The following IL23R variants were observed in gnomAD, a reference collection of about 807,000 sequenced individuals.
IL23R encodes interleukin-23 receptor.
A neutral mutation model predicts 56.9 loss-of-function variants in IL23R; 34 were observed. The observed-to-expected ratio is 0.60, with a 90% CI of 0.45 to 0.80. The LOEUF (loss-of-function observed/expected upper bound fraction) is 0.80. IL23R is among the 30% of genes least tolerant of loss of function. IL23R has a pLI of 0.00. For missense variants in IL23R, 635 were observed against 730.0 expected, an observed-to-expected ratio of 0.87 and a Z score of 1.50; for synonymous variants, 230 against 249.2, an observed-to-expected ratio of 0.92 and a Z score of 0.73.
At chr1:67,140,288 CA>C (rs559765149) in intron 1 of IL23R, among the ~76,000 whole-genome samples, 103 of 151,700 alleles carry the variant, frequency 6.8e-4, no homozygotes, top group African/African-American at 2.4e-3. Flanking sequence ...TTCTGTATGT[CA>C]AAAAAAGTCA....
Position 67,237,759 on chromosome 1 carries a change from G to A in IL23R, c.1045+957G>A, listed in dbSNP as rs183686347. ...GAAATTTCGAGTTGAAAACTTTTAG[G>A]CATGACTATTTCACCATTGACCACT... On this transcript the variant is annotated intron_variant, in intron 8 of 10. Transcript: ENST00000347310. 4.8e-3 allele frequency among the ~76,000 whole-genome samples: 738 copies of A among 152,250 alleles called. 4 individuals carry two copies. Among genetic ancestry groups the A allele is most frequent in the Middle Eastern group, 0.044 (13 of 294 alleles).
intron 4 of IL23R, among the ~76,000 whole-genome samples, chr1:67,184,643 A>C (rs549907412): frequency 6.7e-4 from 101 of 151,478 alleles, no homozygotes; most frequent in South Asian, 2.1e-3. Context: ...TTGTTGAAGT[A>C]TGCTTTTTTT....
chr1:67,204,813 C>G (rs966585129), intron 5 of IL23R, among the ~76,000 whole-genome samples: 2 of 150,086 alleles, frequency 1.3e-5, no homozygotes, highest in African/African-American at 4.9e-5. Flanking sequence ...GAGTCTTGCT[C>G]TGTTACCCAG....
intron 4 of IL23R, among the ~76,000 whole-genome samples, chr1:67,191,590 C>A (rs987963076): frequency 1.6e-4 from 25 of 152,128 alleles, no homozygotes; most frequent in African/African-American, 6.0e-4. Flanking sequence ...CTCTACCACC[C>A]AATTTCTCTG....
chr1:67,168,155 T>C lies in IL23R; in HGVS notation c.35T>C (p.Ile12Thr), dbSNP rs1646896298. ...NQVTIQWDAVIALYILFSWCH... is the reference protein window; with the variant it reads ...NQVTIQWDAVTALYILFSWCH... ...GTCACTATTCAATGGGATGCAGTAA[T>C]AGCCCTTTACATACTCTTCAGCTGG... Residue 12 changes from isoleucine (I) to threonine (T), a missense_variant, in exon 2 of 11, where the codon ATA (isoleucine) becomes ACA (threonine). Physicochemically the swap from Ile to Thr is moderately conservative, Grantham distance 89. Coordinates refer to ENST00000347310, the MANE Select transcript of IL23R (RefSeq NM_144701.3). 4.3e-6 allele frequency: 7 copies of C among 1,612,450 alleles called. No individual in the cohort carries two copies. In the South Asian group the frequency reaches 5.5e-5, roughly 13 times the overall value.
At chr1:67,174,405 ATATT>A (rs1353474773) in intron 3 of IL23R, among the ~76,000 whole-genome samples, 5 of 151,536 alleles carry the variant, frequency 3.3e-5, no homozygotes, top group South Asian at 2.1e-4. Flanking sequence ...AATTTTTAAT[ATATT>A]TGTTTATTGT....
chr1:67,143,021 C>A (rs1337657957), intron 1 of IL23R, among the ~76,000 whole-genome samples: 1 of 152,082 alleles, frequency 6.6e-6, no homozygotes, highest in African/African-American at 2.4e-5. Flanking sequence ...GATTAAATAA[C>A]TTGACAACTT....
chr1:67,181,272 A>T (rs937582460), intron 3 of IL23R, among the ~76,000 whole-genome samples: 1 of 152,178 alleles, frequency 6.6e-6, no homozygotes, highest in African/African-American at 2.4e-5. Context: ...AGGTACACCA[A>T]TCAGACATAG....
chr1:67,221,187 G>A (rs1489176761), intron 7 of IL23R, among the ~76,000 whole-genome samples: 11 of 152,066 alleles, frequency 7.2e-5, no homozygotes, highest in Non-Finnish European at 1.2e-4. Flanking sequence ...TGGGCATGGC[G>A]GTACATGCCT....
intron 1 of IL23R, among the ~76,000 whole-genome samples, chr1:67,145,278 C>T (rs547450950): frequency 2.4e-4 from 36 of 152,260 alleles, no homozygotes; most frequent in Non-Finnish European, 3.4e-4. Context: ...ACCCAGGAGA[C>T]GGAGGCTGCA....
At chr1:67,209,536 C>G (rs956880949) in intron 6 of IL23R, among the ~76,000 whole-genome samples, 1 of 152,076 alleles carries the variant, frequency 6.6e-6, no homozygotes, top group African/African-American at 2.4e-5. Flanking sequence ...TTGCTTTTTC[C>G]TCATTTTCTC....
chr1:67,169,138 C>CAAAAA (rs5774855), intron 2 of IL23R, among the ~76,000 whole-genome samples: 2 of 81,296 alleles, frequency 2.5e-5, no homozygotes, highest in Admixed American at 1.5e-4. Context: ...GAGACTGTCT[C>CAAAAA]AAAAAAAAAA....
intron 4 of IL23R, among the ~76,000 whole-genome samples, chr1:67,189,157 A>T (rs1647565213): frequency 6.6e-6 from 1 of 152,110 alleles, no homozygotes; most frequent in Non-Finnish European, 1.5e-5. Flanking sequence ...TAGTACATTT[A>T]TTCATTCAAA....
At chr1:67,150,594 C>A (rs1646719077) in intron 1 of IL23R, among the ~76,000 whole-genome samples, 1 of 137,210 alleles carries the variant, frequency 7.3e-6, no homozygotes, top group South Asian at 2.3e-4. Context: ...CTGCAAAGGA[C>A]ATGATCTTAT....
chr1:67,258,535 A>G lies in IL23R; in HGVS notation c.1297A>G (p.Met433Val). ...TGAGCAGGTCCTATATGTTGATCCCATGATTACAGAGATAAAAGAAATCTT... is the reference window on the plus strand; with the variant it reads ...TGAGCAGGTCCTATATGTTGATCCCGTGATTACAGAGATAAAAGAAATCTT... ...SSEQVLYVDP[M>V]ITEIKEIFIP... is the part of the protein sequence containing the mutation. The change falls in exon 11 of 11, where the codon ATG (methionine) becomes GTG (valine). Residue 433 changes from methionine (M) to valine (V), a missense_variant. Transcript: ENST00000347310. The G allele has an allele frequency of 6.2e-7, 1 of 1,607,568 alleles. No homozygotes were observed. The highest frequency in any genetic ancestry group is 8.5e-7 in the Non-Finnish European group (1 of 1,176,740).
rs151013082 is a variant in IL23R at position 67,203,084 on chromosome 1, G to T, written c.652+2187G>T. On this transcript the variant is annotated intron_variant, in intron 5 of 10. Coordinates refer to ENST00000347310, the MANE Select transcript of IL23R (RefSeq NM_144701.3). ...AGCTATCATGACCAGTATCATTTTAGCAGTGCAATTTTTAGGAACTAAATA... is the reference window on the plus strand; with the variant it reads ...AGCTATCATGACCAGTATCATTTTATCAGTGCAATTTTTAGGAACTAAATA... Among the ~76,000 whole-genome samples, 397 of 152,064 alleles carry T rather than the reference G, an allele frequency of 2.6e-3. 6 individuals carry two copies. Among genetic ancestry groups the T allele is most frequent in the Admixed American group, 0.021 (314 of 15,272 alleles).
chr1:67,175,574 G>A (rs1646997459), intron 3 of IL23R, among the ~76,000 whole-genome samples: 1 of 152,060 alleles, frequency 6.6e-6, no homozygotes, highest in African/African-American at 2.4e-5. Context: ...TTGTGTAAGG[G>A]GTCATGCAAT....
At chr1:67,193,578 T>TCACAAA (rs1406892341) in intron 4 of IL23R, among the ~76,000 whole-genome samples, 1 of 152,138 alleles carries the variant, frequency 6.6e-6, no homozygotes, top group Non-Finnish European at 1.5e-5. Flanking sequence ...AAATATGAAT[T>TCACAAA]ATACTAACTC....
intron 8 of IL23R, among the ~76,000 whole-genome samples, chr1:67,237,516 T>C (rs1651562936): frequency 6.6e-6 from 1 of 152,176 alleles, no homozygotes; most frequent in Admixed American, 6.5e-5. Context: ...TTAGAGTAGT[T>C]GAGGAAACTT....
Sources: allele counts gnomAD v4.1 joint callset (sites outside exome capture counted in the v4.1 genomes callset), GRCh38; gene constraint gnomAD v4.1.1; transcripts MANE v1.5; gene names NCBI Gene and HGNC (gene_info 2026-07-23, HGNC 2026-07-21).